CSMD1: variants seen among roughly 807,000 people sequenced by gnomAD.
CSMD1 encodes CUB and sushi domain-containing protein 1.
CSMD1 carries 213 observed loss-of-function variants against 417.5 expected under a neutral mutation model. The ratio of observed to expected loss-of-function variants is 0.51; its 90% CI spans 0.46 to 0.57. CSMD1 has a LOEUF of 0.57. Ranked by LOEUF, CSMD1 falls within the 20% of genes least tolerant of loss-of-function variation. CSMD1 has a pLI of 0.00. For missense variants in CSMD1, 6,923 were observed against 4,529.7 expected (o/e 1.53, Z -15.17); for synonymous variants, 2,862 against 1,736.8 (o/e 1.65, Z -16.11).
chr8:3,344,240 G>T (rs182590251), intron 22 of CSMD1, among the ~76,000 whole-genome samples: 125 of 152,264 alleles, frequency 8.2e-4, no homozygotes, highest in Non-Finnish European at 7.3e-5. Flanking sequence ...TCTGAATGAG[G>T]ATCGGGTAAA....
At chr8:4,742,333 G>T (rs1202146451) in intron 1 of CSMD1, among the ~76,000 whole-genome samples, 1 of 151,648 alleles carries the variant, frequency 6.6e-6, no homozygotes, top group Non-Finnish European at 1.5e-5. Context: ...CCTGACCAAG[G>T]CTGAATTTTG....
chr8:3,119,075 G>T (rs1167253239), intron 41 of CSMD1, among the ~76,000 whole-genome samples: 1 of 152,042 alleles, frequency 6.6e-6, no homozygotes, highest in Non-Finnish European at 1.5e-5. Context: ...AGCTACTCAG[G>T]AGGCTGAGGC....
At chr8:4,741,583 G>A (rs548971829) in intron 1 of CSMD1, among the ~76,000 whole-genome samples, 1 of 152,188 alleles carries the variant, frequency 6.6e-6, no homozygotes. Flanking sequence ...CTTAACATGT[G>A]TCTCGAGGCT....
At chr8:4,413,252 C>G (rs909152567) in intron 3 of CSMD1, among the ~76,000 whole-genome samples, 3 of 152,160 alleles carry the variant, frequency 2.0e-5, no homozygotes, top group Non-Finnish European at 4.4e-5. Flanking sequence ...GCTGGCTAAG[C>G]TTTCCTTTCC....
At chr8:4,207,107 T>G (rs187694511) in intron 3 of CSMD1, among the ~76,000 whole-genome samples, 1 of 152,194 alleles carries the variant, frequency 6.6e-6, no homozygotes, top group Non-Finnish European at 1.5e-5. Context: ...TTTTCTCATT[T>G]TCTAAATAGT....
chr8:3,455,273 C>T (rs567776205), intron 12 of CSMD1, among the ~76,000 whole-genome samples: 74 of 152,226 alleles, frequency 4.9e-4, no homozygotes, highest in African/African-American at 1.4e-3. Flanking sequence ...TCCTTTAGCT[C>T]GGAGTAGTGT....
intron 3 of CSMD1, among the ~76,000 whole-genome samples, chr8:4,253,153 A>T (rs909371643): frequency 6.6e-6 from 1 of 152,190 alleles, no homozygotes; most frequent in Admixed American, 6.5e-5. Flanking sequence ...TAAAACGATA[A>T]ACTCATTAGG....
rs538602160 is a variant in CSMD1, at chr8:4,289,216, C to A, written c.415+130737G>T. 2.0e-5 allele frequency among the ~76,000 whole-genome samples: 3 copies of A among 152,254 alleles called. No homozygotes were observed. In the East Asian group the frequency reaches 5.8e-4, roughly 29 times the overall value. ...AATACTCTTTACCAGTTTCTAGATA[C>A]CTGTCGGTCATTTCTCATATTGTTA... On this transcript the variant is annotated intron_variant, in intron 3 of 69. Transcript: ENST00000635120.
At chr8:4,219,912 T>G (rs1800924798) in intron 3 of CSMD1, among the ~76,000 whole-genome samples, 1 of 152,190 alleles carries the variant, frequency 6.6e-6, no homozygotes, top group Non-Finnish European at 1.5e-5. Context: ...ACTTGTAATA[T>G]GATGGAGAGA....
chr8:4,955,865 TCC>T (rs1295934026), intron 1 of CSMD1, among the ~76,000 whole-genome samples: 2 of 147,236 alleles, frequency 1.4e-5, no homozygotes, highest in Non-Finnish European at 3.0e-5. Flanking sequence ...TCAGTATCTT[TCC>T]CCTCTAGAAA....
At chr8:4,604,241 AC>A (rs1309499149) in intron 2 of CSMD1, among the ~76,000 whole-genome samples, 2 of 151,996 alleles carry the variant, frequency 1.3e-5, no homozygotes, top group Non-Finnish European at 2.9e-5. Context: ...ATTGACTACT[AC>A]CTTTTTCATA....
chr8:4,539,399 T>C (rs1489630787), intron 2 of CSMD1, among the ~76,000 whole-genome samples: 1 of 152,208 alleles, frequency 6.6e-6, no homozygotes, highest in Non-Finnish European at 1.5e-5. Context: ...TCCCACAGAA[T>C]CATCATTTCA....
intron 5 of CSMD1, among the ~76,000 whole-genome samples, chr8:3,786,705 A>T (rs980419006): frequency 6.6e-6 from 1 of 152,188 alleles, no homozygotes; most frequent in Non-Finnish European, 1.5e-5. Flanking sequence ...TGTATTTCTC[A>T]CTGTCTAGAG....
intron 7 of CSMD1, among the ~76,000 whole-genome samples, chr8:3,691,894 A>C (rs991479869): frequency 6.6e-6 from 1 of 152,204 alleles, no homozygotes; most frequent in East Asian, 1.9e-4. Flanking sequence ...CTATGGCTTC[A>C]AGATTAAGCA....
chr8:4,485,819 A>G (rs979078106), intron 2 of CSMD1, among the ~76,000 whole-genome samples: 3 of 152,122 alleles, frequency 2.0e-5, no homozygotes, highest in Non-Finnish European at 4.4e-5. Flanking sequence ...GGCAAATTCC[A>G]AAATGTGGCA....
chr8:4,019,939 T>A (rs79079192), intron 4 of CSMD1, among the ~76,000 whole-genome samples: 2,428 of 152,076 alleles, frequency 0.016, 56 homozygotes, highest in East Asian at 0.054. Context: ...AAACCCTTTT[T>A]TTTAAGAGCT....
chr8:3,203,267 C>T (rs977215563), intron 31 of CSMD1, among the ~76,000 whole-genome samples: 1 of 152,148 alleles, frequency 6.6e-6, no homozygotes, highest in Non-Finnish European at 1.5e-5. Context: ...TCATTCTGGA[C>T]ATGGCCCCAA....
At chr8:3,557,289 C>T (rs141664083) in intron 10 of CSMD1, among the ~76,000 whole-genome samples, 3 of 152,236 alleles carry the variant, frequency 2.0e-5, no homozygotes, top group African/African-American at 7.2e-5. Context: ...GACAGCTGTA[C>T]CTATTTTTAA....
intron 5 of CSMD1, among the ~76,000 whole-genome samples, chr8:3,846,599 A>T (rs1288054058): frequency 6.6e-6 from 1 of 152,180 alleles, no homozygotes; most frequent in Non-Finnish European, 1.5e-5. Context: ...ATAAATATTC[A>T]CAAACATTAG....
Sources: allele counts gnomAD v4.1 joint callset (sites outside exome capture counted in the v4.1 genomes callset), GRCh38; gene constraint gnomAD v4.1.1; transcripts MANE v1.5; gene names NCBI Gene and HGNC (gene_info 2026-07-23, HGNC 2026-07-21).